Variants in SAMD5 observed in about 807,000 individuals in gnomAD.
SAMD5 encodes sterile alpha motif domain containing 5, also known as sterile alpha motif domain-containing protein 5.
SAMD5 carries 13 observed loss-of-function variants against 11.3 expected under a neutral mutation model. The ratio of observed to expected loss-of-function variants is 1.15; its 90% CI spans 0.75 to 1.83. The LOEUF (loss-of-function observed/expected upper bound fraction) is 1.83. SAMD5 is among the 40% of genes most tolerant of loss of function. The pLI, the probability that SAMD5 is intolerant of heterozygous loss-of-function variation, is 0.00. For synonymous variants in SAMD5, 129 were observed against 111.3 expected (o/e 1.16, Z -1.00); for missense variants, 255 against 239.1 (o/e 1.07, Z -0.44).
intron 1 of SAMD5, among the ~76,000 whole-genome samples, chr6:147,671,505 G>T (rs1278224601): frequency 6.6e-6 from 1 of 152,176 alleles, no homozygotes; most frequent in Non-Finnish European, 1.5e-5. Flanking sequence ...ACTAAGTCAA[G>T]GTTTAAGCAC....
intron 1 of SAMD5, among the ~76,000 whole-genome samples, chr6:147,595,187 A>T (rs542475884): frequency 9.9e-4 from 151 of 152,370 alleles, no homozygotes; most frequent in African/African-American, 3.3e-3. Flanking sequence ...CTCCTTAAAA[A>T]ATGCCTGATA....
chr6:147,701,462 T>C (rs9497845), intron 1 of SAMD5, among the ~76,000 whole-genome samples: 14,146 of 152,076 alleles, frequency 0.093, 767 homozygotes, highest in African/African-American at 0.15. Context: ...GGTAAAATCC[T>C]GTCTGTACTA....
chr6:147,878,982 C>T, the SAMD5 span, among the ~76,000 whole-genome samples: 2 of 152,086 alleles, frequency 1.3e-5, no homozygotes, highest in Admixed American at 6.6e-5. Flanking sequence ...TGTGATATTC[C>T]ATTGAGCATT....
the SAMD5 span, among the ~76,000 whole-genome samples, chr6:147,745,195 C>T: frequency 6.6e-6 from 1 of 151,650 alleles, no homozygotes; most frequent in Non-Finnish European, 1.5e-5. Context: ...ACTGTGTGTG[C>T]CTGTGTGTGT....
the SAMD5 span, among the ~76,000 whole-genome samples, chr6:147,744,837 G>T: frequency 2.0e-5 from 3 of 152,102 alleles, no homozygotes; most frequent in Middle Eastern, 3.4e-3. Context: ...GGCAGAGGTT[G>T]CAGTGAGCTG....
At chr6:147,791,801 C>T in the SAMD5 span, among the ~76,000 whole-genome samples, 1 of 152,076 alleles carries the variant, frequency 6.6e-6, no homozygotes, top group Non-Finnish European at 1.5e-5. Flanking sequence ...ATCGGTTGCT[C>T]TCAAATGCAT....
the SAMD5 span, among the ~76,000 whole-genome samples, chr6:147,803,071 TGGAC>T: frequency 6.6e-6 from 1 of 152,050 alleles, no homozygotes; most frequent in Non-Finnish European, 1.5e-5. Context: ...TGTTGACAAA[TGGAC>T]ATATACTAAA....
At chr6:147,771,675 C>T in the SAMD5 span, among the ~76,000 whole-genome samples, 37 of 152,188 alleles carry the variant, frequency 2.4e-4, no homozygotes, top group Non-Finnish European at 4.6e-4. Flanking sequence ...TCCTCATCAC[C>T]AAACATTCTA....
At chr6:147,901,703 G>A in the SAMD5 span, among the ~76,000 whole-genome samples, 2 of 152,260 alleles carry the variant, frequency 1.3e-5, no homozygotes, top group Admixed American at 6.5e-5. Context: ...TGGAAGCTTC[G>A]ATAGGTATAA....
chr6:147,528,965 G>A (rs1788386805), intron 1 of SAMD5, among the ~76,000 whole-genome samples: 1 of 152,164 alleles, frequency 6.6e-6, no homozygotes, highest in Non-Finnish European at 1.5e-5. Context: ...CTTTTGACCT[G>A]TGTGACCTCA....
chr6:147,814,432 A>G, the SAMD5 span, among the ~76,000 whole-genome samples: 256 of 152,298 alleles, frequency 1.7e-3, 1 homozygote, highest in African/African-American at 6.0e-3. Flanking sequence ...TAGGCAAAAA[A>G]TATGTTCCTC....
chr6:147,670,064 G>A (rs958514473), intron 1 of SAMD5, among the ~76,000 whole-genome samples: 77 of 152,308 alleles, frequency 5.1e-4, no homozygotes, highest in African/African-American at 1.8e-3. Flanking sequence ...CTGCAGGAAG[G>A]ATGTTATTAC....
the SAMD5 span, among the ~76,000 whole-genome samples, chr6:147,925,526 G>A: frequency 6.6e-6 from 1 of 151,622 alleles, no homozygotes; most frequent in East Asian, 1.9e-4. Context: ...TAGTATCCTG[G>A]TTGTTGTCTA....
At chr6:147,701,215 T>A (rs1309993259) in intron 1 of SAMD5, among the ~76,000 whole-genome samples, 1 of 152,212 alleles carries the variant, frequency 6.6e-6, no homozygotes, top group African/African-American at 2.4e-5. Flanking sequence ...AGTAATTAGA[T>A]ATTTGCAAGC....
At chr6:147,625,948 C>T (rs969313740) in intron 1 of SAMD5, among the ~76,000 whole-genome samples, 7 of 152,112 alleles carry the variant, frequency 4.6e-5, no homozygotes, top group African/African-American at 9.7e-5. Context: ...ATGACAATCC[C>T]GTTCATGCTT....
intron 1 of SAMD5, among the ~76,000 whole-genome samples, chr6:147,715,413 C>G (rs955815976): frequency 6.6e-6 from 1 of 152,214 alleles, no homozygotes; most frequent in African/African-American, 2.4e-5. Flanking sequence ...GTACTGCAAG[C>G]AGCTTCCACA....
intron 1 of SAMD5, among the ~76,000 whole-genome samples, chr6:147,688,329 A>AT (rs1219150913): frequency 1.3e-5 from 2 of 151,516 alleles, no homozygotes; most frequent in Non-Finnish European, 2.9e-5. Flanking sequence ...ATTCTTGGTA[A>AT]TTTTTTATTT....
the SAMD5 span, among the ~76,000 whole-genome samples, chr6:147,773,047 G>A: frequency 1.3e-5 from 2 of 152,114 alleles, no homozygotes; most frequent in African/African-American, 4.8e-5. Flanking sequence ...TAGATGAAAT[G>A]GACAGGGATA....
downstream of SAMD5, among the ~76,000 whole-genome samples, chr6:147,739,981 G>A (rs1480202556): frequency 1.3e-5 from 2 of 151,798 alleles, no homozygotes; most frequent in African/African-American, 2.4e-5. Flanking sequence ...CACCACGCCC[G>A]GCCAATTTTT....
Sources: gnomAD v4.1 joint callset for allele counts (sites outside exome capture counted in the v4.1 genomes callset) on GRCh38, gnomAD v4.1.1 for gene constraint, MANE v1.5 for transcripts, NCBI Gene and HGNC (gene_info 2026-07-23, HGNC 2026-07-21) for gene names.